ATRNL1: variants seen among roughly 807,000 people sequenced by gnomAD.
The protein encoded by ATRNL1 is attractin-like protein 1.
Under a neutral mutation model 182.7 loss-of-function variants are expected in ATRNL1, and 95 were observed. The ratio of observed to expected loss-of-function variants is 0.52; its 90% CI spans 0.44 to 0.62. The LOEUF (loss-of-function observed/expected upper bound fraction) is 0.62, where lower values mean the gene tolerates loss of function less well. ATRNL1 is among the 20% of genes least tolerant of loss of function. The probability of loss-of-function intolerance (pLI) is 0.00; values close to 1 mark genes in which losing one functional copy is unlikely to be tolerated. For missense variants in ATRNL1, 1,471 were observed against 1,679.5 expected, an observed-to-expected ratio of 0.88 and a Z score of 2.17; for synonymous variants, 576 against 568.3, an observed-to-expected ratio of 1.01 and a Z score of -0.19.
At chr10:115,484,046 G>T (rs2134625543) in intron 24 of ATRNL1, among the ~76,000 whole-genome samples, 1 of 151,502 alleles carries the variant, frequency 6.6e-6, no homozygotes, top group Non-Finnish European at 1.5e-5. Context: ...AAAGCAGAGT[G>T]CCTTATACTC....
chr10:115,119,039 G>A (rs1398182581), intron 1 of ATRNL1, among the ~76,000 whole-genome samples: 1 of 151,998 alleles, frequency 6.6e-6, no homozygotes, highest in Non-Finnish European at 1.5e-5. Context: ...TTTAAATGAG[G>A]CAACACATTG....
At chr10:115,369,829 A>T (rs141402093) in intron 19 of ATRNL1, among the ~76,000 whole-genome samples, 5 of 152,296 alleles carry the variant, frequency 3.3e-5, no homozygotes, top group Admixed American at 6.5e-5. Context: ...ATGATAAATG[A>T]TGTGGAATAT....
At chr10:115,544,213 C>T (rs1256514940) in intron 25 of ATRNL1, among the ~76,000 whole-genome samples, 1 of 152,040 alleles carries the variant, frequency 6.6e-6, no homozygotes, top group Non-Finnish European at 1.5e-5. Context: ...TAGAGAAAAG[C>T]TAACTGGAAT....
At chr10:115,210,348 G>T (rs1250370997) in intron 8 of ATRNL1, among the ~76,000 whole-genome samples, 2 of 151,514 alleles carry the variant, frequency 1.3e-5, no homozygotes, top group African/African-American at 2.4e-5. Context: ...GTATTTGTTT[G>T]TGTGTGTGTG....
At chr10:115,343,974 G>A (rs925482641) in intron 19 of ATRNL1, among the ~76,000 whole-genome samples, 12 of 152,114 alleles carry the variant, frequency 7.9e-5, no homozygotes, top group African/African-American at 2.7e-4. Context: ...ATTTTCTCCC[G>A]AACAAACAGA....
At chr10:115,520,126 C>G (rs1554984821) in intron 25 of ATRNL1, among the ~76,000 whole-genome samples, 1 of 152,134 alleles carries the variant, frequency 6.6e-6, no homozygotes, top group Non-Finnish European at 1.5e-5. Context: ...CTGGCAGATA[C>G]AGCCCCACAT....
intron 23 of ATRNL1, among the ~76,000 whole-genome samples, chr10:115,468,000 T>G (rs782283688): frequency 6.6e-6 from 1 of 150,792 alleles, no homozygotes; most frequent in Non-Finnish European, 1.5e-5. Context: ...TTCTGAAAAT[T>G]AAATCATTAT....
At chr10:115,189,421 C>G (rs1341546068) in intron 8 of ATRNL1, among the ~76,000 whole-genome samples, 11 of 151,968 alleles carry the variant, frequency 7.2e-5, no homozygotes, top group Admixed American at 6.6e-4. Flanking sequence ...GATGAGAGCT[C>G]CATGCATATG....
intron 27 of ATRNL1, among the ~76,000 whole-genome samples, chr10:115,748,126 C>G (rs1555069669): frequency 6.6e-6 from 1 of 151,978 alleles, no homozygotes; most frequent in East Asian, 1.9e-4. Flanking sequence ...GTTGTATCTA[C>G]TGGCCTTGCT....
At chr10:115,199,141 G>A (rs1302318069) in intron 8 of ATRNL1, among the ~76,000 whole-genome samples, 2 of 151,948 alleles carry the variant, frequency 1.3e-5, no homozygotes, top group African/African-American at 4.8e-5. Flanking sequence ...GTGAATGTGG[G>A]ATCTTTCCAT....
At chr10:115,675,589 A>G (rs773615955) in intron 26 of ATRNL1, among the ~76,000 whole-genome samples, 2 of 152,084 alleles carry the variant, frequency 1.3e-5, no homozygotes, top group Non-Finnish European at 1.5e-5. Context: ...TAGGCATGCT[A>G]TCTTCCAAAG....
intron 28 of ATRNL1, among the ~76,000 whole-genome samples, chr10:115,881,100 G>A (rs1033384796): frequency 6.6e-6 from 1 of 152,184 alleles, no homozygotes. Flanking sequence ...GGGACTTCAG[G>A]CTCTCTCTAT....
chr10:115,420,419 C>T (rs1554961728), intron 20 of ATRNL1, among the ~76,000 whole-genome samples: 1 of 151,864 alleles, frequency 6.6e-6, no homozygotes, highest in African/African-American at 2.4e-5. Context: ...AAACCAATAA[C>T]AGGAGGAACT....
intron 8 of ATRNL1, among the ~76,000 whole-genome samples, chr10:115,195,762 A>G (rs1415496379): frequency 6.6e-6 from 1 of 152,004 alleles, no homozygotes; most frequent in African/African-American, 2.4e-5. Context: ...ACTCTTTAGG[A>G]TAACTTTTCA....
chr10:115,821,376 A>T (rs1252976667), intron 27 of ATRNL1, among the ~76,000 whole-genome samples: 7 of 152,116 alleles, frequency 4.6e-5, no homozygotes, highest in African/African-American at 1.7e-4. Flanking sequence ...ACAATTTGGT[A>T]TGTTTTTGCG....
At chr10:115,661,898 T>C (rs1439522169) in intron 26 of ATRNL1, among the ~76,000 whole-genome samples, 1 of 151,062 alleles carries the variant, frequency 6.6e-6, no homozygotes, top group African/African-American at 2.4e-5. Flanking sequence ...ACGAGGTATA[T>C]CTCCTAATGC....
chr10:115,800,624 A>G lies in ATRNL1; in HGVS notation c.3904-47253A>G, dbSNP rs138430453. Among the ~76,000 whole-genome samples, 37 of 152,176 alleles carry G rather than the reference A, an allele frequency of 2.4e-4. 1 individual carries two copies. In the East Asian group the frequency reaches 7.2e-3, roughly 29 times the overall value. On this transcript the variant is annotated intron_variant, in intron 27 of 28. Coordinates refer to ENST00000355044, the MANE Select transcript of ATRNL1 (RefSeq NM_207303.4). ...AGGCTCCTACCATGACCATTAATGG[A>G]CTGAGTTTTTGTGTCCCTACGAAAT...
At chr10:115,411,825 T>A (rs959184074) in intron 20 of ATRNL1, among the ~76,000 whole-genome samples, 24 of 152,144 alleles carry the variant, frequency 1.6e-4, no homozygotes, top group Non-Finnish European at 7.4e-5. Context: ...ATTATGTGAA[T>A]TAGATTAGTG....
At chr10:115,243,276 G>T (rs1375178735) in intron 10 of ATRNL1, among the ~76,000 whole-genome samples, 1 of 151,902 alleles carries the variant, frequency 6.6e-6, no homozygotes, top group Non-Finnish European at 1.5e-5. Flanking sequence ...TTTTCATATT[G>T]TTGAAGATTA....
Sources: allele counts gnomAD v4.1 joint callset (sites outside exome capture counted in the v4.1 genomes callset), GRCh38; gene constraint gnomAD v4.1.1; transcripts MANE v1.5; gene names NCBI Gene and HGNC (gene_info 2026-07-23, HGNC 2026-07-21).